NAV3: variants seen among roughly 807,000 people sequenced by gnomAD.
NAV3 encodes the protein pore membrane and/or filament interacting like protein 1.
NAV3 carries 87 observed loss-of-function variants against 244.7 expected under a neutral mutation model. That is an observed-to-expected ratio of 0.36 (90% confidence interval 0.30 to 0.42). NAV3 has a LOEUF of 0.42. Among genes scored for constraint, NAV3 ranks in the 20% least tolerant of loss-of-function variants. The pLI is 1.00. For synonymous variants in NAV3, 1,126 were observed against 1,042.2 expected (o/e 1.08, Z -1.55); for missense variants, 2,663 against 2,893.3 (o/e 0.92, Z 1.83).
At chr12:77,659,436 TG>T (rs1873315258) in intron 2 of NAV3, among the ~76,000 whole-genome samples, 1 of 152,068 alleles carries the variant, frequency 6.6e-6, no homozygotes, top group African/African-American at 2.4e-5. Context: ...GTTAGAATGG[TG>T]ATCATTAAAA....
intron 2 of NAV3, among the ~76,000 whole-genome samples, chr12:77,695,367 C>T (rs184568943): frequency 5.9e-5 from 9 of 152,140 alleles, no homozygotes; most frequent in Admixed American, 3.9e-4. Flanking sequence ...CTTCTGCATA[C>T]GAATATCCAG....
rs553730688 is a variant in NAV3, at chr12:78,130,900, A to C, written c.4441+2034A>C. 1.8e-4 allele frequency: 33 copies of C among 186,356 alleles called. No homozygotes were observed. The East Asian group carries it at 4.3e-3, about 24-fold the overall frequency. The allele number at this position is 186,356 out of a possible 1,614,324, so 11.5% of individuals were successfully genotyped here. On this transcript the variant is annotated intron_variant, in intron 18 of 39. Coordinates refer to ENST00000397909, the MANE Select transcript of NAV3 (RefSeq NM_001024383.2). ...CACCTCTTTCCAGGGCTTGGACAAAAATACATCTGTGTTGGCCAGCATCAG... is the reference window on the plus strand; with the variant it reads ...CACCTCTTTCCAGGGCTTGGACAAACATACATCTGTGTTGGCCAGCATCAG...
chr12:78,137,472 G>C lies in NAV3; in HGVS notation c.4630+107G>C, dbSNP rs185046183. 3.3e-5 allele frequency: 37 copies of C among 1,117,200 alleles called. No homozygotes were observed. In the African/African-American group the frequency reaches 5.1e-4, roughly 15 times the overall value. The allele number at this position is 1,117,200 out of a possible 1,614,324, so 69.2% of individuals were successfully genotyped here. The stretch of plus-strand genomic sequence containing the variant: ...GATTCCTGAAGAGGAAAATAAACTA[G>C]TGTAATTATCATTTGGGAAACTAGA... On this transcript the variant is annotated intron_variant, in intron 19 of 39. Coordinates refer to ENST00000397909, the MANE Select transcript of NAV3 (RefSeq NM_001024383.2).
At chr12:77,824,241 A>ATTTTTTTTTTTTTTTTTTTTT (rs61710960) in intron 2 of NAV3, among the ~76,000 whole-genome samples, 8 of 104,908 alleles carry the variant, frequency 7.6e-5, no homozygotes, top group Admixed American at 1.2e-4. Context: ...GCCCAACTAA[A>ATTTTTTTTTTTTTTTTTTTTT]TTTTTTTTTT....
chr12:78,039,049 G>C (rs1302471679), intron 9 of NAV3, among the ~76,000 whole-genome samples: 1 of 152,074 alleles, frequency 6.6e-6, no homozygotes, highest in Non-Finnish European at 1.5e-5. Context: ...TGATTATTCT[G>C]TTTAAGTATT....
chr12:77,880,784 A>G (rs927340717), intron 1 of NAV3, among the ~76,000 whole-genome samples: 2 of 152,168 alleles, frequency 1.3e-5, no homozygotes, highest in African/African-American at 4.8e-5. Flanking sequence ...GGTTTCTAAC[A>G]TAAGAACGAT....
At chr12:78,201,713 G>A (rs1959723754) in intron 38 of NAV3, among the ~76,000 whole-genome samples, 1 of 151,912 alleles carries the variant, frequency 6.6e-6, no homozygotes, top group African/African-American at 2.4e-5. Flanking sequence ...TATTGAGGAA[G>A]GATCTCATCT....
intron 2 of NAV3, among the ~76,000 whole-genome samples, chr12:77,630,582 A>T (rs1871849176): frequency 6.6e-6 from 1 of 152,144 alleles, no homozygotes; most frequent in South Asian, 2.1e-4. Flanking sequence ...TTGCCCGTAC[A>T]TGTCTTTTAA....
chr12:77,829,095 A>G (rs200695663), upstream of NAV3, among the ~76,000 whole-genome samples: 1,346 of 104,740 alleles, frequency 0.013, 17 homozygotes, highest in Middle Eastern at 0.02. Context: ...AACTAAAAAC[A>G]AAAACAAAAA....
chr12:78,023,692 A>G (rs1877529614), intron 9 of NAV3, among the ~76,000 whole-genome samples: 1 of 152,190 alleles, frequency 6.6e-6, no homozygotes, highest in Non-Finnish European at 1.5e-5. Flanking sequence ...GTAAGTTATA[A>G]ATTGAGTACT....
At chr12:77,768,817 G>A (rs1376276233) in intron 2 of NAV3, among the ~76,000 whole-genome samples, 1 of 152,216 alleles carries the variant, frequency 6.6e-6, no homozygotes, top group Admixed American at 6.5e-5. Flanking sequence ...CAGCTCCATG[G>A]AGTGTGCAAC....
intron 1 of NAV3, among the ~76,000 whole-genome samples, chr12:77,855,434 AT>A (rs753897721): frequency 9.2e-5 from 14 of 152,200 alleles, no homozygotes; most frequent in Non-Finnish European, 1.9e-4. Context: ...AATCTGTGAT[AT>A]CCCTAAAGGG....
chr12:78,191,475 G>T (rs1049913911), intron 34 of NAV3, among the ~76,000 whole-genome samples: 1 of 152,048 alleles, frequency 6.6e-6, no homozygotes, highest in Admixed American at 6.6e-5. Flanking sequence ...ACACATCTTT[G>T]TTCAAAACCG....
chr12:77,917,548 G>A (rs776155297), intron 1 of NAV3, among the ~76,000 whole-genome samples: 2 of 151,836 alleles, frequency 1.3e-5, no homozygotes, highest in African/African-American at 4.8e-5. Context: ...CATGTGTAAC[G>A]GTCCTATTTT....
intron 1 of NAV3, among the ~76,000 whole-genome samples, chr12:77,920,603 A>G (rs1472550822): frequency 1.3e-5 from 2 of 152,040 alleles, no homozygotes; most frequent in Non-Finnish European, 1.5e-5. Flanking sequence ...TATTTTGAAA[A>G]TTAGAATTAT....
At chr12:77,950,476 T>C (rs1274093283) in intron 3 of NAV3, 1 of 152,132 alleles carries the variant, frequency 6.6e-6, no homozygotes, top group Non-Finnish European at 1.5e-5. Flanking sequence ...GAGGTATCTG[T>C]TAAGGTCTTT....
intron 5 of NAV3, among the ~76,000 whole-genome samples, chr12:77,977,078 G>T (rs1868584570): frequency 6.6e-6 from 1 of 152,146 alleles, no homozygotes; most frequent in South Asian, 2.1e-4. Context: ...TTGGATCAAG[G>T]CAATCTAGTA....
At chr12:77,699,794 T>C (rs12303674) in intron 2 of NAV3, among the ~76,000 whole-genome samples, 4,238 of 151,186 alleles carry the variant, frequency 0.028, 199 homozygotes, top group African/African-American at 0.096. Flanking sequence ...ATGACCTTTT[T>C]TTTTTTTTTT....
At chr12:77,706,315 G>C (rs1875796235) in intron 2 of NAV3, among the ~76,000 whole-genome samples, 1 of 151,248 alleles carries the variant, frequency 6.6e-6, no homozygotes, top group African/African-American at 2.5e-5. Flanking sequence ...AAACTTCTAG[G>C]AGTACATACT....
Sources: gnomAD v4.1 joint callset for allele counts (sites outside exome capture counted in the v4.1 genomes callset) on GRCh38, gnomAD v4.1.1 for gene constraint, MANE v1.5 for transcripts, NCBI Gene and HGNC (gene_info 2026-07-23, HGNC 2026-07-21) for gene names.